Variants in PLD5 observed in about 807,000 individuals in gnomAD.
PLD5 encodes inactive phospholipase D5.
A neutral mutation model predicts 61.1 loss-of-function variants in PLD5; 36 were observed. The ratio of observed to expected loss-of-function variants is 0.59; its 90% confidence interval spans 0.45 to 0.78. The LOEUF (loss-of-function observed/expected upper bound fraction) is 0.78. PLD5 is among the 30% of genes least tolerant of loss of function. PLD5 has a pLI of 0.00. For synonymous variants in PLD5, 243 were observed against 242.8 expected (o/e 1.00, Z -0.01); for missense variants, 515 against 644.4 (o/e 0.80, Z 2.17).
At chr1:242,149,775 T>C (rs1167185245) in intron 5 of PLD5, among the ~76,000 whole-genome samples, 2 of 151,782 alleles carry the variant, frequency 1.3e-5, no homozygotes, top group Non-Finnish European at 3.0e-5. Context: ...GAGTTATTCA[T>C]GGTTTCTCCT....
At position 242,084,963 on chromosome 1, in the gene PLD5, G is replaced by A. The variant is rs1659385906; in HGVS notation, c.*4891C>T. 1 of 151,828 alleles carries A rather than the reference G, an allele frequency of 6.6e-6. No individual in the cohort carries two copies. The highest frequency in any genetic ancestry group is 1.5e-5 in the Non-Finnish European group (1 of 67,968). The allele number at this position is 151,828 out of a possible 1,614,324, so 9.4% of individuals were successfully genotyped here. On this transcript the variant is annotated 3_prime_UTR_variant, in exon 10 of 10. Transcript: ENST00000536534. The stretch of plus-strand genomic sequence containing the variant: ...AGAAAAAGAAATGCCTCATCTCACA[G>A]TATGAAAAAGCCATCTAATATTTAC...
At chr1:242,494,999 A>C (rs1203297526) in intron 1 of PLD5, among the ~76,000 whole-genome samples, 1 of 151,596 alleles carries the variant, frequency 6.6e-6, no homozygotes, top group Non-Finnish European at 1.5e-5. Context: ...AAGTGACCAC[A>C]TTCCTGAGAA....
In PLD5 at chr1:242,395,125, G is replaced by A. The variant is rs1000724939; in HGVS notation, c.190-46883C>T. 7.8e-5 allele frequency among the ~76,000 whole-genome samples: 11 copies of A among 140,428 alleles called. 1 individual carries two copies. Among genetic ancestry groups the A allele is most frequent in the Middle Eastern group, 4.0e-3 (1 of 252 alleles). 92.1% of individuals were successfully genotyped at this position (140,428 alleles called of 152,430 possible). Reference sequence around the variant, plus strand: ...TGTATGTATATGAATATATATGTATGTATATGTATATATTTTAAATAGAGC... The same window carrying A: ...TGTATGTATATGAATATATATGTATATATATGTATATATTTTAAATAGAGC... On this transcript the variant is annotated intron_variant, in intron 1 of 9. Coordinates refer to ENST00000536534, the MANE Select transcript of PLD5 (RefSeq NM_001372062.1).
At chr1:242,391,504 TAGG>T in intron 1 of PLD5, among the ~76,000 whole-genome samples, 1 of 152,294 alleles carries the variant, frequency 6.6e-6, no homozygotes, top group East Asian at 1.9e-4. Flanking sequence ...CTTTAGTTTA[TAGG>T]AGGAGAGGGA....
intron 4 of PLD5, among the ~76,000 whole-genome samples, chr1:242,237,625 G>A (rs1394931469): frequency 6.6e-6 from 1 of 152,156 alleles, no homozygotes; most frequent in Admixed American, 6.5e-5. Context: ...AAAAGATATA[G>A]TCCCTCAGTG....
intron 2 of PLD5, among the ~76,000 whole-genome samples, chr1:242,306,073 T>A (rs951650031): frequency 6.6e-6 from 1 of 151,852 alleles, no homozygotes; most frequent in African/African-American, 2.4e-5. Flanking sequence ...GCCCTGGGGC[T>A]CCAGCTTTGC....
chr1:242,098,045 T>G (rs1290739094), intron 9 of PLD5, among the ~76,000 whole-genome samples: 1 of 152,208 alleles, frequency 6.6e-6, no homozygotes, highest in African/African-American at 2.4e-5. Flanking sequence ...TTGTCAAAGA[T>G]CCTCTTCTCA....
chr1:242,219,871 A>G, intron 5 of PLD5, 117 bp downstream of exon 5: 2 of 1,301,406 alleles, frequency 1.5e-6, no homozygotes, highest in Non-Finnish European at 2.1e-6. Flanking sequence ...TTAAAACTAC[A>G]GTTAAGAATA....
At chr1:242,217,621 T>A (rs917164572) in intron 5 of PLD5, among the ~76,000 whole-genome samples, 9 of 152,080 alleles carry the variant, frequency 5.9e-5, no homozygotes, top group African/African-American at 2.2e-4. Flanking sequence ...CAAAACTCCA[T>A]CTCAAAAAAA....
intron 1 of PLD5, among the ~76,000 whole-genome samples, chr1:242,490,072 A>C (rs1443062981): frequency 6.6e-6 from 1 of 152,218 alleles, no homozygotes; most frequent in Non-Finnish European, 1.5e-5. Flanking sequence ...TCTGTGCAAG[A>C]GCACCATCTG....
At chr1:242,320,854 T>C (rs1199712957) in intron 2 of PLD5, among the ~76,000 whole-genome samples, 8 of 152,002 alleles carry the variant, frequency 5.3e-5, no homozygotes, top group Non-Finnish European at 1.2e-4. Context: ...GTAGCAATAT[T>C]TTCTTTAAAG....
chr1:242,468,804 C>A (rs1028640307), intron 1 of PLD5, among the ~76,000 whole-genome samples: 1 of 152,106 alleles, frequency 6.6e-6, no homozygotes, highest in South Asian at 2.1e-4. Flanking sequence ...ACAACCACAG[C>A]AAACACTTCC....
intron 5 of PLD5, among the ~76,000 whole-genome samples, chr1:242,153,564 C>A (rs1320101006): frequency 6.6e-6 from 1 of 152,002 alleles, no homozygotes; most frequent in Non-Finnish European, 1.5e-5. Context: ...CAGTTTTCTA[C>A]ATATATGGCT....
At chr1:242,170,718 C>T (rs316888) in intron 5 of PLD5, among the ~76,000 whole-genome samples, 78,086 of 151,968 alleles carry the variant, frequency 0.51, 20,927 homozygotes, top group East Asian at 0.74. Context: ...GTAAATGACC[C>T]GATGGAGCTG....
At chr1:242,246,974 CTTT>C (rs74466537) in intron 4 of PLD5, among the ~76,000 whole-genome samples, 7 of 135,902 alleles carry the variant, frequency 5.2e-5, no homozygotes, top group African/African-American at 5.5e-5. Context: ...TTTAGGGATT[CTTT>C]TTTTTTTTTT....
rs1669382547 is a variant in PLD5, at chr1:242,524,442, A to C, written c.-166T>G. The C allele has an allele frequency of 3.4e-6, 2 of 587,968 alleles. No homozygotes were observed. The highest frequency in any genetic ancestry group is 4.9e-6 in the Non-Finnish European group (2 of 411,994). 36.4% of individuals were successfully genotyped at this position (587,968 alleles called of 1,614,324 possible). A position where few individuals can be genotyped will look rare whatever the true frequency, so the allele number is the denominator to read the frequency against. ...CGGGCGCGGGGAGCGCGGGGTGCTGAGCGCCAGCTGGGAGCGCGGCCGGGC... is the reference window on the plus strand; with the variant it reads ...CGGGCGCGGGGAGCGCGGGGTGCTGCGCGCCAGCTGGGAGCGCGGCCGGGC... On this transcript the variant is annotated 5_prime_UTR_variant, in exon 1 of 10. Coordinates refer to ENST00000536534, the MANE Select transcript of PLD5 (RefSeq NM_001372062.1).
chr1:242,091,805 CTTCTTTTTCTTTTCTT>C (rs1379486880), intron 9 of PLD5, among the ~76,000 whole-genome samples: 1 of 148,168 alleles, frequency 6.7e-6, no homozygotes, highest in Non-Finnish European at 1.5e-5. Flanking sequence ...TAGCTTTATT[CTTCTTTTTCTTTTCTT>C]TTCTTTTTTT....
intron 2 of PLD5, among the ~76,000 whole-genome samples, chr1:242,330,160 GA>G (rs943667160): frequency 1.4e-4 from 21 of 150,358 alleles, no homozygotes; most frequent in African/African-American, 3.9e-4. Context: ...ACTCTTCAGA[GA>G]AAAAAAAATG....
chr1:242,272,114 T>A (rs1180943106), intron 3 of PLD5, among the ~76,000 whole-genome samples: 1 of 152,110 alleles, frequency 6.6e-6, no homozygotes, highest in Non-Finnish European at 1.5e-5. Context: ...GGATAAACAA[T>A]CTCAGTAAAA....
Sources: gnomAD v4.1 joint callset for allele counts (sites outside exome capture counted in the v4.1 genomes callset) on GRCh38, gnomAD v4.1.1 for gene constraint, MANE v1.5 for transcripts, NCBI Gene and HGNC (gene_info 2026-07-23, HGNC 2026-07-21) for gene names.